Variants in JAK1 observed in about 807,000 individuals in gnomAD.
JAK1 encodes the protein tyrosine-protein kinase JAK1.
A neutral mutation model predicts 136.6 loss-of-function variants in JAK1; 16 were observed. The ratio of observed to expected loss-of-function variants is 0.12; its 90% CI spans 0.08 to 0.18. The LOEUF (loss-of-function observed/expected upper bound fraction) is 0.18, where lower values mean the gene tolerates loss of function less well. JAK1 is among the 10% of genes least tolerant of loss of function. The pLI, the probability that JAK1 is intolerant of heterozygous loss-of-function variation, is 1.00. For synonymous variants in JAK1, 492 were observed against 519.5 expected (o/e 0.95, Z 0.72); for missense variants, 859 against 1,450.1 (o/e 0.59, Z 6.62).
intron 1 of JAK1, among the ~76,000 whole-genome samples, chr1:64,908,085 C>T (rs1455303061): frequency 6.6e-6 from 1 of 152,144 alleles, no homozygotes; most frequent in African/African-American, 2.4e-5. Flanking sequence ...ACCTCCTTAA[C>T]AGACAGAACA....
At chr1:65,038,136 G>GC (rs1430022498) in intron 2 of JAK1, among the ~76,000 whole-genome samples, 1 of 151,790 alleles carries the variant, frequency 6.6e-6, no homozygotes, top group Non-Finnish European at 1.5e-5. Flanking sequence ...GTCCAGAAGG[G>GC]CCCCAAGCTT....
chr1:64,984,059 C>G lies in JAK1; in HGVS notation c.-78+60421G>C, dbSNP rs898263901. Among the ~76,000 whole-genome samples the G allele has an allele frequency of 2.0e-4, 31 of 152,306 alleles. No individual in the cohort carries two copies. Among genetic ancestry groups the G allele is most frequent in the African/African-American group, 7.5e-4 (31 of 41,548 alleles). On this transcript the variant is annotated intron_variant, in intron 2 of 25. Transcript: ENST00000671954. The surrounding 1 kb of genome is among the most constrained non-coding windows in gnomAD (Gnocchi z 4.1). ...CTCTATAACCTCTTTTAAACACCTCCTTTTAACCTCAGTTTCCTTATGTTT... is the reference window on the plus strand; with the variant it reads ...CTCTATAACCTCTTTTAAACACCTCGTTTTAACCTCAGTTTCCTTATGTTT...
intron 2 of JAK1, among the ~76,000 whole-genome samples, chr1:64,981,200 G>C (rs1308226634): frequency 2.0e-5 from 3 of 152,196 alleles, no homozygotes; most frequent in African/African-American, 7.2e-5. Context: ...GAAAGAGAAA[G>C]TACAGGAAAT....
intron 2 of JAK1, among the ~76,000 whole-genome samples, chr1:65,001,900 A>C (rs1646761863): frequency 6.6e-6 from 1 of 152,124 alleles, no homozygotes; most frequent in African/African-American, 2.4e-5. Flanking sequence ...GTGTTGACCT[A>C]GAATGACTGC....
At chr1:64,974,454 A>G (rs909214989) in intron 2 of JAK1, 1 of 152,186 alleles carries the variant, frequency 6.6e-6, no homozygotes, top group Admixed American at 6.5e-5. Flanking sequence ...TACCCAGCCC[A>G]TTTACCTCAG....
chr1:65,030,536 A>ATT (rs34009188), intron 2 of JAK1, among the ~76,000 whole-genome samples: 41 of 146,098 alleles, frequency 2.8e-4, no homozygotes, highest in African/African-American at 6.2e-4. Context: ...CCTCCTGACA[A>ATT]TTTTTTTTTT....
chr1:65,064,127 C>T (rs775884781), intron 1 of JAK1, among the ~76,000 whole-genome samples: 92 of 152,268 alleles, frequency 6.0e-4, no homozygotes, highest in Middle Eastern at 3.4e-3. Context: ...ACTTAATTTG[C>T]GTTTGGATTT....
At chr1:65,028,468 G>A (rs1243836219) in intron 2 of JAK1, among the ~76,000 whole-genome samples, 2 of 108,722 alleles carry the variant, frequency 1.8e-5, no homozygotes, top group African/African-American at 7.4e-5. Flanking sequence ...AGGAAGAAAG[G>A]AAGAAAGGAA....
At chr1:64,885,223 A>C (rs1371100979) in intron 2 of JAK1, among the ~76,000 whole-genome samples, 1 of 152,238 alleles carries the variant, frequency 6.6e-6, no homozygotes, top group East Asian at 1.9e-4. Context: ...TCAACAAGCA[A>C]GACCACTTGA....
intron 1 of JAK1, among the ~76,000 whole-genome samples, chr1:65,063,804 CAAAAA>C (rs370192253): frequency 2.5e-5 from 2 of 81,372 alleles, no homozygotes; most frequent in Non-Finnish European, 2.7e-5. Context: ...GACTCTATCT[CAAAAA>C]AAAAAAAAAA....
chr1:65,006,105 A>C (rs993815369), intron 2 of JAK1, among the ~76,000 whole-genome samples: 3 of 152,184 alleles, frequency 2.0e-5, no homozygotes, highest in Non-Finnish European at 2.9e-5. Flanking sequence ...TCTTCACATA[A>C]GTGTGAAGAA....
chr1:64,894,891 GAA>G (rs1644992308), intron 1 of JAK1, among the ~76,000 whole-genome samples: 1 of 152,082 alleles, frequency 6.6e-6, no homozygotes, highest in Non-Finnish European at 1.5e-5. Context: ...GTTCAGCTTT[GAA>G]ACTGCCCTGC....
At chr1:64,985,426 C>T in intron 2 of JAK1, 4 of 1,608,584 alleles carry the variant, frequency 2.5e-6, no homozygotes, top group Non-Finnish European at 2.6e-6. Flanking sequence ...TGGAGGATCT[C>T]CTTAGCATTC....
At chr1:65,014,700 T>A (rs908120598) in intron 2 of JAK1, among the ~76,000 whole-genome samples, 10 of 151,906 alleles carry the variant, frequency 6.6e-5, no homozygotes, top group Admixed American at 5.2e-4. Flanking sequence ...TTTTTTTTTT[T>A]TGGATATGGA....
chr1:64,927,767 T>C (rs941560075), intron 1 of JAK1, among the ~76,000 whole-genome samples: 14 of 152,206 alleles, frequency 9.2e-5, no homozygotes, highest in Admixed American at 5.2e-4. Context: ...GCAGCCACAA[T>C]GAACACATCT....
chr1:65,059,740 G>A (rs183529773), intron 1 of JAK1, among the ~76,000 whole-genome samples: 548 of 152,136 alleles, frequency 3.6e-3, no homozygotes, highest in Middle Eastern at 6.8e-3. Context: ...CATGTCATAA[G>A]GTTTCAAGTT....
chr1:64,991,291 T>C (rs1240706910), intron 2 of JAK1: 3 of 152,208 alleles, frequency 2.0e-5, no homozygotes, highest in Non-Finnish European at 4.4e-5. Flanking sequence ...AAAATATATT[T>C]TCTCACAGTT....
intron 1 of JAK1, among the ~76,000 whole-genome samples, chr1:64,960,335 G>A (rs1646260179): frequency 6.6e-6 from 1 of 152,190 alleles, no homozygotes; most frequent in East Asian, 1.9e-4. Flanking sequence ...TCAGAGGTAG[G>A]TACTGTCTTT....
chr1:65,001,938 C>G (rs977455968), intron 2 of JAK1, among the ~76,000 whole-genome samples: 3 of 151,920 alleles, frequency 2.0e-5, no homozygotes, highest in Admixed American at 6.6e-5. Flanking sequence ...TGTTAAGGAG[C>G]GTGAGTGCCC....
Sources: allele counts gnomAD v4.1 joint callset (sites outside exome capture counted in the v4.1 genomes callset), GRCh38; gene constraint gnomAD v4.1.1; non-coding constraint Gnocchi (gnomAD v3.1); transcripts MANE v1.5; gene names NCBI Gene and HGNC (gene_info 2026-07-23, HGNC 2026-07-21).